The following CCDC178 variants were observed in gnomAD, a reference collection of about 807,000 sequenced individuals.
CCDC178 encodes the protein coiled-coil domain containing 178.
CCDC178 carries 126 observed loss-of-function variants against 117.4 expected under a neutral mutation model. The ratio of observed to expected loss-of-function variants is 1.07; its 90% CI spans 0.93 to 1.24. The LOEUF (loss-of-function observed/expected upper bound fraction) is 1.24. Ranked by LOEUF, CCDC178 falls within the 50% of genes most tolerant of loss-of-function variation. CCDC178 has a pLI of 0.00. For synonymous variants in CCDC178, 283 were observed against 313.4 expected (o/e 0.90, Z 1.02); for missense variants, 1,030 against 986.9 (o/e 1.04, Z -0.59).
At chr18:33,280,253 C>A (rs969948198) in intron 12 of CCDC178, among the ~76,000 whole-genome samples, 3 of 152,068 alleles carry the variant, frequency 2.0e-5, no homozygotes, top group Non-Finnish European at 2.9e-5. Flanking sequence ...AACAAATTTA[C>A]AAGAGAAAAA....
intron 15 of CCDC178, among the ~76,000 whole-genome samples, chr18:33,230,508 A>C (rs1172265824): frequency 6.6e-6 from 1 of 152,144 alleles, no homozygotes; most frequent in Non-Finnish European, 1.5e-5. Flanking sequence ...CAAATGAATA[A>C]TTTATTGAGC....
chr18:33,320,039 A>G (rs915969643), intron 11 of CCDC178, among the ~76,000 whole-genome samples: 7 of 152,222 alleles, frequency 4.6e-5, no homozygotes, highest in Non-Finnish European at 1.5e-5. Context: ...ACAAAATTCA[A>G]CAGCCCTTCA....
At chr18:33,430,610 C>T (rs2064199236) in intron 2 of CCDC178, among the ~76,000 whole-genome samples, 2 of 152,106 alleles carry the variant, frequency 1.3e-5, no homozygotes. Context: ...AGCTGGATCC[C>T]TACGCCACTC....
intron 10 of CCDC178, among the ~76,000 whole-genome samples, chr18:33,325,087 A>G (rs2062566834): frequency 6.6e-6 from 1 of 151,946 alleles, no homozygotes; most frequent in South Asian, 2.1e-4. Context: ...AAATTCCCCA[A>G]AATGATGTTA....
chr18:33,393,622 A>G (rs2063592174), intron 4 of CCDC178, among the ~76,000 whole-genome samples: 1 of 152,112 alleles, frequency 6.6e-6, no homozygotes, highest in Non-Finnish European at 1.5e-5. Context: ...TGTTTGCTCA[A>G]TATATTTTTG....
intron 20 of CCDC178, among the ~76,000 whole-genome samples, chr18:33,145,734 C>A (rs553173984): frequency 6.6e-6 from 1 of 152,164 alleles, no homozygotes; most frequent in African/African-American, 2.4e-5. Flanking sequence ...CTTCAGCTTT[C>A]TCTTCTACTG....
At chr18:33,122,019 C>T (rs2057943323) in intron 20 of CCDC178, among the ~76,000 whole-genome samples, 2 of 152,098 alleles carry the variant, frequency 1.3e-5, no homozygotes, top group South Asian at 4.1e-4. Flanking sequence ...GTGTACTAGG[C>T]TATACCATCT....
At chr18:33,190,708 T>C (rs1352417479) in intron 20 of CCDC178, among the ~76,000 whole-genome samples, 4 of 152,230 alleles carry the variant, frequency 2.6e-5, no homozygotes, top group African/African-American at 9.6e-5. Context: ...TAAAATTCCC[T>C]GATTCACTTT....
At position 33,323,855 on chromosome 18, in the gene CCDC178, A is replaced by G. The variant is rs534035552; in HGVS notation, c.880-222T>C. On this transcript the variant is annotated intron_variant, in intron 10 of 22. Coordinates refer to ENST00000383096, the MANE Select transcript of CCDC178 (RefSeq NM_001105528.4). The stretch of plus-strand genomic sequence containing the variant: ...AAATAATTTCAATATCCAAGTTAAC[A>G]TGTCCAAAATGAAATCATTATCTCT... 3.7e-4 allele frequency among the ~76,000 whole-genome samples: 56 copies of G among 151,942 alleles called. No homozygotes were observed. The South Asian group carries it at 7.7e-3, about 21-fold the overall frequency.
intron 11 of CCDC178, among the ~76,000 whole-genome samples, chr18:33,307,754 T>C (rs1639185392): frequency 6.6e-6 from 1 of 152,204 alleles, no homozygotes; most frequent in Admixed American, 6.5e-5. Flanking sequence ...GCATCCCAGC[T>C]GCTTCAGCTC....
chr18:33,341,344 A>G (rs1280129746), intron 9 of CCDC178, among the ~76,000 whole-genome samples: 1 of 152,216 alleles, frequency 6.6e-6, no homozygotes, highest in African/African-American at 2.4e-5. Context: ...CATAGGCAGA[A>G]GGGACTTGCC....
chr18:33,413,480 A>G (rs115820726), intron 2 of CCDC178, among the ~76,000 whole-genome samples: 169 of 152,202 alleles, frequency 1.1e-3, no homozygotes, highest in African/African-American at 4.0e-3. Flanking sequence ...AAAATTAAAT[A>G]ATATTAATAA....
At chr18:33,240,168 A>G (rs2059470550) in intron 15 of CCDC178, among the ~76,000 whole-genome samples, 1 of 151,902 alleles carries the variant, frequency 6.6e-6, no homozygotes, top group Non-Finnish European at 1.5e-5. Flanking sequence ...TAAGAATAAA[A>G]TTGAAAAATT....
intron 15 of CCDC178, among the ~76,000 whole-genome samples, chr18:33,230,870 G>A (rs1160866635): frequency 8.5e-5 from 13 of 152,302 alleles, no homozygotes; most frequent in South Asian, 6.2e-4. Context: ...CTCCAGAAAC[G>A]TGGCCTGTGG....
intron 11 of CCDC178, among the ~76,000 whole-genome samples, chr18:33,297,052 G>A (rs28476704): frequency 1.3e-5 from 2 of 151,484 alleles, no homozygotes; most frequent in African/African-American, 4.9e-5. Context: ...TAAATATATA[G>A]AAATACATTA....
intron 3 of CCDC178, among the ~76,000 whole-genome samples, chr18:33,400,079 A>C (rs951987266): frequency 6.6e-6 from 1 of 151,856 alleles, no homozygotes. Flanking sequence ...TGTCAGTGGA[A>C]GTAATATTTT....
chr18:33,114,632 A>G (rs2057828298), intron 20 of CCDC178, among the ~76,000 whole-genome samples: 1 of 152,122 alleles, frequency 6.6e-6, no homozygotes, highest in Admixed American at 6.6e-5. Context: ...CTTGTGTTAA[A>G]TTCTTAAATC....
At chr18:33,141,044 T>C (rs1425678299) in intron 20 of CCDC178, among the ~76,000 whole-genome samples, 2 of 152,114 alleles carry the variant, frequency 1.3e-5, no homozygotes, top group African/African-American at 4.8e-5. Context: ...CCTGTTGCCA[T>C]CTATGTAAGA....
chr18:33,090,654 C>A (rs1453262047), intron 21 of CCDC178, among the ~76,000 whole-genome samples: 1 of 152,166 alleles, frequency 6.6e-6, no homozygotes, highest in Non-Finnish European at 1.5e-5. Flanking sequence ...GCCTCTCTGT[C>A]CATTGCAGCA....
Sources: allele counts gnomAD v4.1 joint callset (sites outside exome capture counted in the v4.1 genomes callset), GRCh38; gene constraint gnomAD v4.1.1; transcripts MANE v1.5; gene names NCBI Gene and HGNC (gene_info 2026-07-23, HGNC 2026-07-21).